CDC25C: variants seen among roughly 807,000 people sequenced by gnomAD.
CDC25C encodes M-phase inducer phosphatase 3.
CDC25C carries 48 observed loss-of-function variants against 52.5 expected under a neutral mutation model. The ratio of observed to expected loss-of-function variants is 0.91; its 90% CI spans 0.72 to 1.16. The LOEUF (loss-of-function observed/expected upper bound fraction) is 1.16, where lower values mean the gene tolerates loss of function less well. Among genes scored for constraint, CDC25C ranks in the 50% most tolerant of loss-of-function variants. The pLI is 0.00. For missense variants in CDC25C, 510 were observed against 566.1 expected (o/e 0.90, Z 1.01); for synonymous variants, 187 against 206.5 (o/e 0.91, Z 0.81).
chr5:138,324,662 G>A (rs912454985), intron 6 of CDC25C, among the ~76,000 whole-genome samples: 4 of 151,784 alleles, frequency 2.6e-5, no homozygotes, highest in Admixed American at 1.3e-4. Flanking sequence ...GGAGGCTGAG[G>A]CAGGAAAATC....
chr5:138,302,734 A>T (rs1239614993), intron 7 of CDC25C, among the ~76,000 whole-genome samples: 1 of 147,298 alleles, frequency 6.8e-6, no homozygotes, highest in East Asian at 2.0e-4. Context: ...TTAACAGATT[A>T]AAAAAAAAAC....
chr5:138,309,986 C>T (rs1402109344), intron 7 of CDC25C, among the ~76,000 whole-genome samples: 1 of 152,202 alleles, frequency 6.6e-6, no homozygotes, highest in Non-Finnish European at 1.5e-5. Context: ...GGATTACAGG[C>T]ATGAGCCACT....
intron 7 of CDC25C, among the ~76,000 whole-genome samples, chr5:138,296,605 A>AT (rs1246478189): frequency 1.3e-4 from 18 of 133,912 alleles, no homozygotes; most frequent in East Asian, 8.1e-4. Flanking sequence ...ATTATTATTA[A>AT]TTATTTTTTT....
intron 7 of CDC25C, among the ~76,000 whole-genome samples, chr5:138,313,960 C>CCTTTTT (rs990400550): frequency 9.7e-6 from 1 of 102,980 alleles, no homozygotes; most frequent in African/African-American, 3.4e-5. Context: ...CACCTATGTC[C>CCTTTTT]CTTTTTCTTT....
At chr5:138,328,100 C>T (rs1760044982) in intron 4 of CDC25C, among the ~76,000 whole-genome samples, 2 of 152,194 alleles carry the variant, frequency 1.3e-5, no homozygotes, top group African/African-American at 2.4e-5. Context: ...CTGCTGACCT[C>T]AACTGATCCG....
chr5:138,329,429 A>G (rs1760155780), intron 3 of CDC25C, 124 bp downstream of exon 3: 20 of 638,860 alleles, frequency 3.1e-5, no homozygotes, highest in South Asian at 1.3e-4. Flanking sequence ...GTTACCCACA[A>G]AATTCCATCT....
At chr5:138,304,501 CT>C (rs888224813) in intron 7 of CDC25C, among the ~76,000 whole-genome samples, 195 of 142,566 alleles carry the variant, frequency 1.4e-3, no homozygotes, top group Middle Eastern at 7.1e-3. Context: ...GCTTCCAACT[CT>C]TTTTTTTTTT....
At chr5:138,316,724 T>G (rs1419745664) in intron 7 of CDC25C, among the ~76,000 whole-genome samples, 1 of 152,068 alleles carries the variant, frequency 6.6e-6, no homozygotes, top group Non-Finnish European at 1.5e-5. Context: ...GGAGCTATGC[T>G]GTCTGCTGAA....
chr5:138,306,874 C>T (rs557912855), intron 7 of CDC25C, among the ~76,000 whole-genome samples: 43 of 151,382 alleles, frequency 2.8e-4, no homozygotes, highest in Non-Finnish European at 5.2e-4. Flanking sequence ...GACAGAGTCT[C>T]GCTCTGTTGC....
intron 4 of CDC25C, among the ~76,000 whole-genome samples, chr5:138,327,546 G>A (rs907901978): frequency 1.3e-5 from 2 of 151,732 alleles, no homozygotes; most frequent in African/African-American, 4.8e-5. Context: ...TGAGGCAGGA[G>A]AATCGCTTGA....
upstream of CDC25C, chr5:138,332,024 T>G (rs1304390506): frequency 2.2e-5 from 11 of 502,714 alleles, no homozygotes; most frequent in Non-Finnish European, 2.6e-5. Flanking sequence ...CCCACCAGCG[T>G]TAGGCAGGCT....
exon 1 of CDC25C, chr5:138,338,093 T>C (rs1245773573): frequency 7.8e-7 from 1 of 1,289,754 alleles, no homozygotes; most frequent in Admixed American, 2.3e-5. Context: ...GCCAGGCTCG[T>C]TCCCAACAGC....
At position 138,286,693 on chromosome 5, in the gene CDC25C, A is replaced by G. The variant is rs1756271266; in HGVS notation, c.1027-63T>C. Reference sequence around the variant, plus strand: ...GCTTATAGACAGTGCCAATACTTAGAAATGACTGAGACGCCAACCTGGGAT... The same window carrying G: ...GCTTATAGACAGTGCCAATACTTAGGAATGACTGAGACGCCAACCTGGGAT... On this transcript the variant is annotated intron_variant, in intron 11 of 13. Transcript: ENST00000323760. The G allele has an allele frequency of 6.7e-6, 10 of 1,485,766 alleles. No homozygotes were observed. In the Admixed American group the frequency reaches 1.0e-4, roughly 16 times the overall value. 92.0% of individuals were successfully genotyped at this position (1,485,766 alleles called of 1,614,324 possible).
At chr5:138,313,550 A>C (rs1435824714) in intron 7 of CDC25C, among the ~76,000 whole-genome samples, 2 of 152,094 alleles carry the variant, frequency 1.3e-5, no homozygotes, top group Non-Finnish European at 2.9e-5. Flanking sequence ...AAAATGTATA[A>C]AAAGAATTAA....
intron 7 of CDC25C, among the ~76,000 whole-genome samples, chr5:138,307,538 AAG>A (rs1274132902): frequency 6.6e-6 from 1 of 151,762 alleles, no homozygotes; most frequent in South Asian, 2.1e-4. Context: ...GAAAAAAAGA[AAG>A]AGAAAATGAC....
chr5:138,286,828 G>T (rs1756285101), intron 11 of CDC25C, among the ~76,000 whole-genome samples, 198 bp from the exon 12 acceptor site: 1 of 152,176 alleles, frequency 6.6e-6, no homozygotes, highest in East Asian at 1.9e-4. Flanking sequence ...GTCAATAAAT[G>T]TTTATAGACC....
At chr5:138,327,519 C>G (rs974599148) in intron 4 of CDC25C, among the ~76,000 whole-genome samples, 7 of 151,692 alleles carry the variant, frequency 4.6e-5, no homozygotes, top group Non-Finnish European at 7.4e-5. Flanking sequence ...GCCTGTAATC[C>G]CAGCTACTCG....
At position 138,285,418 on chromosome 5, in the gene CDC25C, A is replaced by ATCTC; in HGVS notation, c.*273_*274insGAGA. On this transcript the variant is annotated 3_prime_UTR_variant, in exon 14 of 14. Transcript: ENST00000323760. The stretch of plus-strand genomic sequence containing the variant: ...GGCTGGCTTGTGAGAAGACATGAGG[A>ATCTC]GTTGGGAAAAGGAATGCCAGAGTTC... 2.7e-6 allele frequency: 1 copy of ATCTC among 374,944 alleles called. No individual in the cohort carries two copies. 23.2% of individuals were successfully genotyped at this position (374,944 alleles called of 1,614,324 possible). A position where few individuals can be genotyped will look rare whatever the true frequency, so the allele number is the denominator to read the frequency against.
intron 7 of CDC25C, among the ~76,000 whole-genome samples, chr5:138,300,408 C>T (rs564964157): frequency 6.6e-6 from 1 of 152,110 alleles, no homozygotes; most frequent in African/African-American, 2.4e-5. Flanking sequence ...TACAAAAATA[C>T]AAAAATTAGC....
Sources: allele counts gnomAD v4.1 joint callset (sites outside exome capture counted in the v4.1 genomes callset), GRCh38; gene constraint gnomAD v4.1.1; transcripts MANE v1.5; gene names NCBI Gene and HGNC (gene_info 2026-07-23, HGNC 2026-07-21).